SLC12A1: variants seen among roughly 807,000 people sequenced by gnomAD.
SLC12A1 encodes the protein solute carrier family 12 member 1, also known as Na-K-2Cl cotransporter.
In SLC12A1, 89 loss-of-function variants were observed where a neutral mutation model predicts 130.4. The ratio of observed to expected loss-of-function variants is 0.68; its 90% CI spans 0.58 to 0.81. The LOEUF (loss-of-function observed/expected upper bound fraction) is 0.81, where lower values mean the gene tolerates loss of function less well. Ranked by LOEUF, SLC12A1 falls within the 40% of genes least tolerant of loss-of-function variation. The pLI is 0.00. For synonymous variants in SLC12A1, 499 were observed against 460.0 expected (o/e 1.08, Z -1.09); for missense variants, 1,310 against 1,336.4 (o/e 0.98, Z 0.31).
rs561997853 is a variant in SLC12A1 at position 48,236,219 on chromosome 15, T to C, written c.1215+1215T>C. 4.4e-4 allele frequency among the ~76,000 whole-genome samples: 67 copies of C among 152,036 alleles called. No individual in the cohort carries two copies. In the Middle Eastern group the frequency reaches 0.027, roughly 62 times the overall value. ...AATATTTTCAAGACTCATTAAGAAATATACATACATGAAAAACATATGCAT... is the reference window on the plus strand; with the variant it reads ...AATATTTTCAAGACTCATTAAGAAACATACATACATGAAAAACATATGCAT... On this transcript the variant is annotated intron_variant, in intron 9 of 26. Coordinates refer to ENST00000380993, the MANE Select transcript of SLC12A1 (RefSeq NM_000338.3).
chr15:48,235,910 T>G (rs1415157834), intron 9 of SLC12A1, among the ~76,000 whole-genome samples: 1 of 152,112 alleles, frequency 6.6e-6, no homozygotes, highest in Non-Finnish European at 1.5e-5. Context: ...AGAACTTGCA[T>G]GTATCGCTCC....
At chr15:48,287,976 G>C (rs2042076964) in intron 21 of SLC12A1, 67 bp from the exon 22 acceptor site, 18 of 1,539,730 alleles carry the variant, frequency 1.2e-5, no homozygotes, top group Non-Finnish European at 1.6e-5. Flanking sequence ...TCACTAGATT[G>C]ATTGGAAAGT....
intron 16 of SLC12A1, among the ~76,000 whole-genome samples, chr15:48,256,153 C>A (rs1382853813): frequency 6.6e-6 from 1 of 152,274 alleles, no homozygotes; most frequent in South Asian, 2.1e-4. Context: ...ACCTTCCATG[C>A]GTGGAGATAG....
intron 6 of SLC12A1, 104 bp downstream of exon 6, chr15:48,229,432 A>C: frequency 9.0e-7 from 1 of 1,113,514 alleles, no homozygotes. Context: ...AGAGGAAAAA[A>C]GTTAAATATA....
chr15:48,210,297 C>T (rs142987272), intron 2 of SLC12A1, among the ~76,000 whole-genome samples: 130 of 152,262 alleles, frequency 8.5e-4, no homozygotes, highest in African/African-American at 3.0e-3. Flanking sequence ...TACTCTACCA[C>T]GTCACACATG....
chr15:48,221,423 A>T lies in SLC12A1; in HGVS notation c.628+427A>T. On this transcript the variant is annotated intron_variant, in intron 4 of 26. Transcript: ENST00000380993. ...CTGGTGAAAATGTGACCTGACTAAT[A>T]AAAATGCTGAATTGTTGAACTTTTT... The T allele has an allele frequency of 4.3e-6, 3 of 696,758 alleles. No individual in the cohort carries two copies. The South Asian group carries it at 4.6e-5, about 11-fold the overall frequency. The allele number at this position is 696,758 out of a possible 1,614,324, so 43.2% of individuals were successfully genotyped here. A position where few individuals can be genotyped will look rare whatever the true frequency, so the allele number is the denominator to read the frequency against.
intron 14 of SLC12A1, among the ~76,000 whole-genome samples, chr15:48,250,643 C>T (rs971284185): frequency 1.4e-5 from 2 of 141,852 alleles, no homozygotes; most frequent in African/African-American, 5.2e-5. Flanking sequence ...TAGAGGAAGA[C>T]ACATGGATAC....
intron 18 of SLC12A1, among the ~76,000 whole-genome samples, chr15:48,268,573 G>A (rs149107176): frequency 6.6e-6 from 1 of 152,256 alleles, no homozygotes; most frequent in African/African-American, 2.4e-5. Flanking sequence ...TAATATTTTG[G>A]AGCTTAAGAG....
chr15:48,216,351 A>G (rs2041121560), intron 2 of SLC12A1, among the ~76,000 whole-genome samples: 2 of 152,204 alleles, frequency 1.3e-5, no homozygotes, highest in Admixed American at 6.5e-5. Flanking sequence ...GAAATTTTAA[A>G]TACCCTATTC....
At chr15:48,265,833 G>A (rs889844725) in intron 17 of SLC12A1, among the ~76,000 whole-genome samples, 3 of 152,058 alleles carry the variant, frequency 2.0e-5, no homozygotes, top group African/African-American at 7.2e-5. Flanking sequence ...AATATATTAT[G>A]TGCCATATAT....
chr15:48,206,466 T>C (rs2040985114), intron 1 of SLC12A1, 136 bp downstream of exon 1: 1 of 152,208 alleles, frequency 6.6e-6, no homozygotes, highest in Non-Finnish European at 1.5e-5. Flanking sequence ...AATAGCTTCA[T>C]TTATAATTTC....
At chr15:48,282,234 T>G (rs2042015316) in intron 20 of SLC12A1, among the ~76,000 whole-genome samples, 1 of 152,170 alleles carries the variant, frequency 6.6e-6, no homozygotes, top group East Asian at 1.9e-4. Context: ...GTCTCTATCA[T>G]CTTTGAGGAA....
intron 19 of SLC12A1, among the ~76,000 whole-genome samples, chr15:48,272,831 G>T (rs1292750915): frequency 6.6e-6 from 1 of 152,078 alleles, no homozygotes; most frequent in Non-Finnish European, 1.5e-5. Context: ...CTTTAGGCTG[G>T]GCGCAGTGGC....
At chr15:48,207,271 G>A (rs2140998530) in intron 1 of SLC12A1, among the ~76,000 whole-genome samples, 1 of 152,268 alleles carries the variant, frequency 6.6e-6, no homozygotes, top group African/African-American at 2.4e-5. Context: ...GTGAACTCCA[G>A]TGCACTGAAT....
At chr15:48,244,427 G>A (rs568210388) in intron 10 of SLC12A1, among the ~76,000 whole-genome samples, 1 of 152,248 alleles carries the variant, frequency 6.6e-6, no homozygotes, top group South Asian at 2.1e-4. Context: ...GTAGTACTAA[G>A]CCAGACATAT....
intron 9 of SLC12A1, among the ~76,000 whole-genome samples, chr15:48,240,029 C>G (rs1192331836): frequency 2.3e-4 from 4 of 17,154 alleles, no homozygotes; most frequent in East Asian, 7.7e-4. Context: ...ATATATATAT[C>G]CATATATATA....
In SLC12A1 at chr15:48,207,673, A is replaced by T. The variant is rs1195491038; in HGVS notation, c.-47A>T. 6.2e-6 allele frequency: 9 copies of T among 1,452,074 alleles called. No homozygotes were observed. The highest frequency in any genetic ancestry group is 3.7e-4 in the Middle Eastern group (2 of 5,390). The allele number at this position is 1,452,074 out of a possible 1,614,324, so 89.9% of individuals were successfully genotyped here. The stretch of plus-strand genomic sequence containing the variant: ...TGATGAAGAAATATATAGATTTTTT[A>T]AAACAACCACAAAGTAGATAGCTCA... On this transcript the variant is annotated 5_prime_UTR_variant, in exon 2 of 27. Transcript: ENST00000380993.
intron 4 of SLC12A1, chr15:48,221,422 T>TA (rs1186685772): frequency 1.4e-6 from 1 of 696,538 alleles, no homozygotes. Context: ...ACCTGACTAA[T>TA]AAAAATGCTG....
At chr15:48,246,372 T>C (rs1402094613) in intron 11 of SLC12A1, among the ~76,000 whole-genome samples, 1 of 152,228 alleles carries the variant, frequency 6.6e-6, no homozygotes, top group Non-Finnish European at 1.5e-5. Flanking sequence ...TCAAAATCCT[T>C]GAAACCATTT....
Sources: allele counts gnomAD v4.1 joint callset (sites outside exome capture counted in the v4.1 genomes callset), GRCh38; gene constraint gnomAD v4.1.1; transcripts MANE v1.5; gene names NCBI Gene and HGNC (gene_info 2026-07-23, HGNC 2026-07-21).